The following IMMP2L variants were observed in gnomAD, a reference collection of about 807,000 sequenced individuals.
The protein encoded by IMMP2L is inner mitochondrial membrane peptidase subunit 2.
A neutral mutation model predicts 19.3 loss-of-function variants in IMMP2L; 18 were observed. The observed-to-expected ratio is 0.93, with a 90% CI of 0.64 to 1.38. The LOEUF is 1.38. Among genes scored for constraint, IMMP2L ranks in the 40% most tolerant of loss-of-function variants. IMMP2L has a pLI of 0.00. For synonymous variants in IMMP2L, 76 were observed against 73.0 expected (o/e 1.04, Z -0.21); for missense variants, 233 against 218.2 (o/e 1.07, Z -0.43).
chr7:111,491,512 G>C (rs1009697961), intron 2 of IMMP2L, among the ~76,000 whole-genome samples: 4 of 152,024 alleles, frequency 2.6e-5, no homozygotes, highest in African/African-American at 4.8e-5. Flanking sequence ...TTTTAAGCAG[G>C]TCTGTACTCT....
At chr7:110,823,799 A>G (rs1212299359) in intron 5 of IMMP2L, among the ~76,000 whole-genome samples, 1 of 152,122 alleles carries the variant, frequency 6.6e-6, no homozygotes, top group Non-Finnish European at 1.5e-5. Flanking sequence ...TTGCTCAGAG[A>G]TAAGATTTTG....
intron 3 of IMMP2L, among the ~76,000 whole-genome samples, chr7:111,309,383 A>G (rs368141355): frequency 2.0e-5 from 3 of 152,286 alleles, no homozygotes; most frequent in African/African-American, 7.2e-5. Flanking sequence ...TAAGTAAATG[A>G]GCTCAAACCA....
Position 111,101,536 on chromosome 7 carries a change from A to G in IMMP2L, c.240-137971T>C, listed in dbSNP as rs1471048555. Among the ~76,000 whole-genome samples, 5 of 151,564 alleles carry G rather than the reference A, an allele frequency of 3.3e-5. No homozygotes were observed. The East Asian group carries it at 9.7e-4, about 29-fold the overall frequency. ...GTCCACTGTCTACCATTTTTGTTGT[A>G]GATTTAGTAAAAAAAAAAATTACTT... On this transcript the variant is annotated intron_variant, in intron 3 of 5. Coordinates refer to ENST00000405709, the MANE Select transcript of IMMP2L (RefSeq NM_032549.4).
intron 3 of IMMP2L, among the ~76,000 whole-genome samples, chr7:111,171,818 A>T (rs758827477): frequency 2.0e-5 from 3 of 151,506 alleles, no homozygotes; most frequent in Non-Finnish European, 4.4e-5. Context: ...AGCAGATAGA[A>T]CTGTAACTAT....
At chr7:111,163,067 T>C (rs1230874160) in intron 3 of IMMP2L, among the ~76,000 whole-genome samples, 2 of 152,042 alleles carry the variant, frequency 1.3e-5, no homozygotes, top group East Asian at 3.9e-4. Context: ...AATGCTTTTT[T>C]GCCCTTTGGG....
At chr7:111,337,231 G>A (rs567798322) in intron 3 of IMMP2L, among the ~76,000 whole-genome samples, 1 of 151,828 alleles carries the variant, frequency 6.6e-6, no homozygotes, top group Admixed American at 6.6e-5. Flanking sequence ...ATTATAAAAA[G>A]TAATACACTA....
intron 3 of IMMP2L, among the ~76,000 whole-genome samples, chr7:111,239,868 G>C (rs1340487401): frequency 6.6e-6 from 1 of 151,870 alleles, no homozygotes; most frequent in Non-Finnish European, 1.5e-5. Context: ...GTGGTATTTT[G>C]TAATTCCTGT....
chr7:110,836,742 G>A (rs1335286982), intron 5 of IMMP2L, among the ~76,000 whole-genome samples: 1 of 152,120 alleles, frequency 6.6e-6, no homozygotes, highest in East Asian at 1.9e-4. Flanking sequence ...TAGGCTTTTG[G>A]TTGTTTGCCC....
In IMMP2L at chr7:110,955,610, A is replaced by C. The variant is rs75825632; in HGVS notation, c.305+7890T>G. 6.3e-3 allele frequency among the ~76,000 whole-genome samples: 954 copies of C among 152,022 alleles called. 34 individuals are homozygous for C. Among genetic ancestry groups the C allele is most frequent in the East Asian group, 0.056 (288 of 5,136 alleles). ...GCTAAAGGGCTTCAAAGATTTCTGA[A>C]CACCTTCTGCTCAAGCTACCAACAA... On this transcript the variant is annotated intron_variant, in intron 4 of 5. Transcript: ENST00000405709.
At chr7:111,192,567 T>A (rs1470516384) in intron 3 of IMMP2L, among the ~76,000 whole-genome samples, 1 of 152,096 alleles carries the variant, frequency 6.6e-6, no homozygotes, top group Non-Finnish European at 1.5e-5. Flanking sequence ...AAGATAGCAA[T>A]CTCAATTATA....
At chr7:111,458,077 G>T (rs1839825992) in intron 3 of IMMP2L, among the ~76,000 whole-genome samples, 1 of 152,072 alleles carries the variant, frequency 6.6e-6, no homozygotes, top group African/African-American at 2.4e-5. Context: ...AAAAGACTTT[G>T]ATCAATTTTT....
At chr7:110,943,656 T>C (rs564949083) in intron 4 of IMMP2L, among the ~76,000 whole-genome samples, 1 of 152,062 alleles carries the variant, frequency 6.6e-6, no homozygotes, top group East Asian at 1.9e-4. Context: ...ATGCAACCCA[T>C]GGGGAACATA....
intron 1 of IMMP2L, among the ~76,000 whole-genome samples, chr7:111,522,887 T>C (rs979590062): frequency 5.0e-5 from 7 of 140,306 alleles, no homozygotes; most frequent in East Asian, 1.9e-4. Context: ...TTAATCCAAG[T>C]GTCCATCAAT....
chr7:111,554,881 T>C (rs1431275584), intron 1 of IMMP2L, among the ~76,000 whole-genome samples: 3 of 152,160 alleles, frequency 2.0e-5, no homozygotes, highest in Non-Finnish European at 4.4e-5. Context: ...CCCAAAGTAC[T>C]GGTGCTGCTT....
At position 110,947,000 on chromosome 7, in the gene IMMP2L, G is replaced by A. The variant is rs577292622; in HGVS notation, c.305+16500C>T. 5.9e-5 allele frequency among the ~76,000 whole-genome samples: 9 copies of A among 152,080 alleles called. 1 individual carries two copies. Among genetic ancestry groups the A allele is most frequent in the South Asian group, 2.1e-4 (1 of 4,828 alleles). ...CTCCCAAAGTGCTGGGATTACAGGCGTGAGCCACCGCGCCTGGCCTAATAC... is the reference window on the plus strand; with the variant it reads ...CTCCCAAAGTGCTGGGATTACAGGCATGAGCCACCGCGCCTGGCCTAATAC... On this transcript the variant is annotated intron_variant, in intron 4 of 5. Transcript: ENST00000405709.
intron 5 of IMMP2L, among the ~76,000 whole-genome samples, chr7:110,810,805 T>C (rs774294558): frequency 2.6e-5 from 4 of 152,098 alleles, no homozygotes; most frequent in East Asian, 1.9e-4. Flanking sequence ...TGTACTGATA[T>C]GTTATTTAAG....
intron 5 of IMMP2L, among the ~76,000 whole-genome samples, chr7:110,846,128 T>G (rs1585011760): frequency 6.6e-6 from 1 of 152,164 alleles, no homozygotes; most frequent in Admixed American, 6.6e-5. Flanking sequence ...AATCAGGTGA[T>G]TTGTTATCAC....
chr7:110,926,317 C>G (rs1485530870), intron 4 of IMMP2L, among the ~76,000 whole-genome samples: 2 of 151,998 alleles, frequency 1.3e-5, no homozygotes, highest in African/African-American at 4.8e-5. Flanking sequence ...GACCATATAA[C>G]AAGTTGTAAA....
intron 3 of IMMP2L, among the ~76,000 whole-genome samples, chr7:110,987,148 C>T (rs1275964270): frequency 1.3e-5 from 2 of 152,084 alleles, no homozygotes; most frequent in Admixed American, 1.3e-4. Flanking sequence ...CAGGTACTAA[C>T]TTAAAATTCA....
Sources: allele counts gnomAD v4.1 joint callset (sites outside exome capture counted in the v4.1 genomes callset), GRCh38; gene constraint gnomAD v4.1.1; transcripts MANE v1.5; gene names NCBI Gene and HGNC (gene_info 2026-07-23, HGNC 2026-07-21).